Variants in MMS22L observed in about 807,000 individuals in gnomAD.
MMS22L encodes MMS22 like, DNA repair protein, also known as protein MMS22-like.
In MMS22L, 74 loss-of-function variants were observed where a neutral mutation model predicts 159.1. The ratio of observed to expected loss-of-function variants is 0.47; its 90% CI spans 0.39 to 0.56. The LOEUF (loss-of-function observed/expected upper bound fraction) is 0.56. MMS22L is among the 20% of genes least tolerant of loss of function. The probability of loss-of-function intolerance (pLI) is 0.00; values close to 1 mark genes in which losing one functional copy is unlikely to be tolerated. For missense variants in MMS22L, 1,351 were observed against 1,422.1 expected, an observed-to-expected ratio of 0.95 and a Z score of 0.80; for synonymous variants, 517 against 506.9, an observed-to-expected ratio of 1.02 and a Z score of -0.27.
intron 11 of MMS22L, among the ~76,000 whole-genome samples, chr6:97,236,797 A>G (rs939987542): frequency 2.0e-5 from 3 of 152,098 alleles, no homozygotes; most frequent in African/African-American, 4.8e-5. Flanking sequence ...TAAAAATACA[A>G]AAATTTAGCT....
At chr6:97,239,975 G>A (rs1179137185) in intron 11 of MMS22L, among the ~76,000 whole-genome samples, 1 of 152,312 alleles carries the variant, frequency 6.6e-6, no homozygotes, top group African/African-American at 2.4e-5. Flanking sequence ...GAAGGCTGCT[G>A]TATATTTGGA....
intron 7 of MMS22L, 97 bp from the exon 8 acceptor site, chr6:97,268,099 A>C: frequency 1.1e-6 from 1 of 878,670 alleles, no homozygotes; most frequent in Non-Finnish European, 1.6e-6. Flanking sequence ...AAACTAAAAC[A>C]TACAGTTTTT....
At chr6:97,235,449 G>A (rs1424584029) in intron 11 of MMS22L, among the ~76,000 whole-genome samples, 1 of 152,178 alleles carries the variant, frequency 6.6e-6, no homozygotes, top group African/African-American at 2.4e-5. Context: ...ATCCATAACT[G>A]AGAGCCATTT....
At chr6:97,279,851 T>G (rs1816599450) in intron 3 of MMS22L, among the ~76,000 whole-genome samples, 1 of 152,002 alleles carries the variant, frequency 6.6e-6, no homozygotes, top group Non-Finnish European at 1.5e-5. Context: ...ATAATAAAAT[T>G]TTAAACTGTA....
chr6:97,268,156 T>C (rs756673812), intron 7 of MMS22L, among the ~76,000 whole-genome samples, 154 bp from the exon 8 acceptor site: 1 of 151,906 alleles, frequency 6.6e-6, no homozygotes, highest in Non-Finnish European at 1.5e-5. Flanking sequence ...AACCTTCTCA[T>C]ATGAGCACTG....
At chr6:97,219,305 T>C (rs1307696138) in intron 14 of MMS22L, among the ~76,000 whole-genome samples, 1 of 152,040 alleles carries the variant, frequency 6.6e-6, no homozygotes, top group Non-Finnish European at 1.5e-5. Flanking sequence ...AAAAGATAAA[T>C]GAAGAAAACC....
intron 15 of MMS22L, among the ~76,000 whole-genome samples, chr6:97,186,253 T>C (rs1805213562): frequency 6.6e-6 from 1 of 152,192 alleles, no homozygotes; most frequent in South Asian, 2.1e-4. Context: ...ATTACATGCA[T>C]AAGAAAAGCT....
chr6:97,196,685 T>C (rs1806551212), intron 14 of MMS22L, among the ~76,000 whole-genome samples: 1 of 152,158 alleles, frequency 6.6e-6, no homozygotes, highest in Non-Finnish European at 1.5e-5. Flanking sequence ...TTATTAAGGA[T>C]TGCCTAATAT....
intron 9 of MMS22L, among the ~76,000 whole-genome samples, chr6:97,258,472 C>T (rs1047148412): frequency 6.6e-6 from 1 of 152,046 alleles, no homozygotes; most frequent in African/African-American, 2.4e-5. Context: ...GCTTGTAAGC[C>T]CACCCAGTGA....
At chr6:97,187,014 C>G (rs962659810) in intron 14 of MMS22L, among the ~76,000 whole-genome samples, 4 of 110,932 alleles carry the variant, frequency 3.6e-5, no homozygotes, top group African/African-American at 6.6e-5. Context: ...TACTTAAAAT[C>G]TAGACATGAA....
intron 11 of MMS22L, among the ~76,000 whole-genome samples, chr6:97,237,281 G>A (rs888624250): frequency 2.0e-5 from 3 of 152,152 alleles, no homozygotes; most frequent in African/African-American, 7.2e-5. Flanking sequence ...ATAGTGTACA[G>A]GTAAAGAAGA....
chr6:97,191,152 A>C (rs1408739009), intron 14 of MMS22L, among the ~76,000 whole-genome samples: 2 of 152,064 alleles, frequency 1.3e-5, no homozygotes, highest in South Asian at 4.2e-4. Context: ...CCACACAGAT[A>C]CCTTATCCCC....
intron 14 of MMS22L, among the ~76,000 whole-genome samples, chr6:97,203,308 TA>T (rs1562454691): frequency 6.7e-6 from 1 of 149,052 alleles, no homozygotes; most frequent in Admixed American, 6.6e-5. Context: ...TTTATTTATT[TA>T]TTTTTTTTAC....
chr6:97,198,578 A>G (rs1806798640), intron 14 of MMS22L, among the ~76,000 whole-genome samples: 5 of 152,172 alleles, frequency 3.3e-5, no homozygotes, highest in African/African-American at 1.2e-4. Context: ...AAGATGAAAA[A>G]GATGCAGACC....
chr6:97,269,695 T>C (rs1231119479), intron 7 of MMS22L, among the ~76,000 whole-genome samples: 2 of 152,122 alleles, frequency 1.3e-5, no homozygotes, highest in Non-Finnish European at 2.9e-5. Flanking sequence ...ATATGTATAC[T>C]AACAGATAGA....
intron 14 of MMS22L, among the ~76,000 whole-genome samples, chr6:97,189,286 G>T (rs888669033): frequency 6.8e-6 from 1 of 148,056 alleles, no homozygotes; most frequent in African/African-American, 2.5e-5. Context: ...AAAGCCGAGT[G>T]CAGTGGCTTA....
chr6:97,213,750 T>C (rs2127953307), intron 14 of MMS22L, among the ~76,000 whole-genome samples: 1 of 152,312 alleles, frequency 6.6e-6, no homozygotes, highest in East Asian at 1.9e-4. Context: ...TGTTATTTGA[T>C]ATTTGATATT....
At chr6:97,240,117 T>C (rs1261820253) in intron 11 of MMS22L, among the ~76,000 whole-genome samples, 1 of 152,214 alleles carries the variant, frequency 6.6e-6, no homozygotes, top group Non-Finnish European at 1.5e-5. Flanking sequence ...ATAATCAAAC[T>C]GACAGTTCTA....
At chr6:97,257,077 T>C (rs1813895899) in intron 9 of MMS22L, among the ~76,000 whole-genome samples, 1 of 152,244 alleles carries the variant, frequency 6.6e-6, no homozygotes, top group South Asian at 2.1e-4. Flanking sequence ...ATTTACCCTA[T>C]GTGGGTGCAC....
Sources: allele counts gnomAD v4.1 joint callset (sites outside exome capture counted in the v4.1 genomes callset), GRCh38; gene constraint gnomAD v4.1.1; transcripts MANE v1.5; gene names NCBI Gene and HGNC (gene_info 2026-07-23, HGNC 2026-07-21).